Variants in LMAN1L observed in about 807,000 individuals in gnomAD.
LMAN1L encodes the protein lectin, mannose binding 1 like.
A neutral mutation model predicts 58.3 loss-of-function variants in LMAN1L; 60 were observed. The ratio of observed to expected loss-of-function variants is 1.03; its 90% CI spans 0.84 to 1.27. The LOEUF (loss-of-function observed/expected upper bound fraction) is 1.27, where lower values mean the gene tolerates loss of function less well. Ranked by LOEUF, LMAN1L falls within the 50% of genes most tolerant of loss-of-function variation. LMAN1L has a pLI of 0.00. For synonymous variants in LMAN1L, 280 were observed against 271.6 expected, an observed-to-expected ratio of 1.03 and a Z score of -0.31; for missense variants, 629 against 674.0, an observed-to-expected ratio of 0.93 and a Z score of 0.74.
rs1015913828 is a variant in LMAN1L, at chr15:74,816,486, G to C, written c.390G>C (p.Ser130=). Reference sequence around the variant, plus strand: ...GCTCTGTCCTTGGGGGGCTGGCTTCGTGGGACGGCATCGGGATCTTCTTTG... The same window carrying C: ...GCTCTGTCCTTGGGGGGCTGGCTTCCTGGGACGGCATCGGGATCTTCTTTG... ...HVGSVLGGLA[S]WDGIGIFFDS... The change falls in exon 3 of 14, where the codon TCG becomes TCC. Residue 130 remains serine, a synonymous_variant. Coordinates refer to ENST00000309664, the MANE Select transcript of LMAN1L (RefSeq NM_021819.3). 6.4e-7 allele frequency: 1 copy of C among 1,550,396 alleles called. No individual in the cohort carries two copies. The highest frequency in any genetic ancestry group is 1.9e-5 in the Admixed American group (1 of 54,026).
At chr15:74,817,903 C>T (rs1244993634) in intron 4 of LMAN1L, among the ~76,000 whole-genome samples, 1 of 151,394 alleles carries the variant, frequency 6.6e-6, no homozygotes, top group Non-Finnish European at 1.5e-5. Context: ...ATCCCAGCTA[C>T]TCGGGAGGCT....
chr15:74,820,995 A>G, intron 8 of LMAN1L, 80 bp from the exon 9 acceptor site: 1 of 1,461,380 alleles, frequency 6.8e-7, no homozygotes, highest in African/African-American at 1.4e-5. Context: ...CCCCTCTCCA[A>G]GAAGCCACCC....
intron 6 of LMAN1L, 153 bp from the exon 7 acceptor site, chr15:74,819,891 C>T (rs1426431140): frequency 1.2e-5 from 9 of 726,086 alleles, no homozygotes; most frequent in Admixed American, 4.0e-5. Context: ...AACCCTCACA[C>T]CTTTCCTAGG....
chr15:74,813,002 G>A lies in LMAN1L; in HGVS notation c.148G>A (p.Gly50Arg), dbSNP rs777887951. Reference protein sequence around the residue: ...KGPRLALPGAGIPFWSHHGDA... With the variant: ...KGPRLALPGARIPFWSHHGDA... ...CCCAAGGCTGGCATTGCCTGGGGCT[G>A]GAATACCCTTCTGGAGCCATCATGG... Residue 50 changes from glycine to arginine, a missense_variant, in exon 1 of 14, where the codon GGA (glycine) becomes AGA (arginine). This residue lies in a region of LMAN1L where 573 missense variants were observed against 597.3 expected (regional missense o/e 0.96). Transcript: ENST00000309664. 1 of 1,613,876 alleles carries A rather than the reference G, an allele frequency of 6.2e-7. No homozygotes were observed. Among genetic ancestry groups the A allele is most frequent in the Non-Finnish European group, 8.5e-7 (1 of 1,179,904 alleles).
chr15:74,819,285 C>T lies in LMAN1L; in HGVS notation c.718+13C>T, dbSNP rs3803567. The T allele has an allele frequency of 1.6e-4, 263 of 1,613,764 alleles. 3 individuals carry two copies. In the East Asian group the frequency reaches 5.7e-3, roughly 35 times the overall value. On this transcript the variant is annotated intron_variant, in intron 6 of 13. Coordinates refer to ENST00000309664, the MANE Select transcript of LMAN1L (RefSeq NM_021819.3). Reference sequence around the variant, plus strand: ...GGCACCCTGGCAGGTGAGGATCCCACTGGACAGGTAAGAGCAGAAGGGCAG... The same window carrying T: ...GGCACCCTGGCAGGTGAGGATCCCATTGGACAGGTAAGAGCAGAAGGGCAG...
intron 7 of LMAN1L, 58 bp downstream of exon 7, chr15:74,820,157 T>C (rs906212884): frequency 3.5e-5 from 50 of 1,429,554 alleles, no homozygotes; most frequent in Non-Finnish European, 4.9e-5. Context: ...CCCTCACCCA[T>C]GTCATGGTGC....
At chr15:74,817,970 G>A (rs547035346) in intron 4 of LMAN1L, among the ~76,000 whole-genome samples, 5 of 149,004 alleles carry the variant, frequency 3.4e-5, no homozygotes, top group African/African-American at 7.4e-5. Context: ...CCGAGATCGC[G>A]CCACTGCACT....
chr15:74,820,856 G>A, intron 8 of LMAN1L, 89 bp downstream of exon 8: 1 of 1,518,860 alleles, frequency 6.6e-7, no homozygotes, highest in Non-Finnish European at 8.8e-7. Context: ...AATCAGTAGG[G>A]AAACTGAGGC....
Position 74,823,604 on chromosome 15 carries a change from G to A in LMAN1L, c.1245G>A (p.Leu415=), listed in dbSNP as rs765058757. The change falls in exon 12 of 14, where the codon CTG becomes CTA. Residue 415 remains leucine, a synonymous_variant. Coordinates refer to ENST00000309664, the MANE Select transcript of LMAN1L (RefSeq NM_021819.3). The part of the protein sequence containing the change: ...RMAAEAQVSY[L]PVGIEHHFLE... ...CTGCAGAAGCCCAGGTCTCCTACCT[G>A]CCTGTGGGCATTGAGCATCATTTCT... 77 of 1,613,864 alleles carry A rather than the reference G, an allele frequency of 4.8e-5. 1 individual carries two copies. In the Admixed American group the frequency reaches 1.2e-3, roughly 25 times the overall value.
At position 74,820,776 on chromosome 15, in the gene LMAN1L, CGA is replaced by C; in HGVS notation, c.907+15_907+16del. On this transcript the variant is annotated intron_variant, in intron 8 of 13. Coordinates refer to ENST00000309664, the MANE Select transcript of LMAN1L (RefSeq NM_021819.3). ...TGAAGCTCAAGGAGAAGGTAGGGACCGAGAGAGCGGGCAGGTGGCGCCCATCT... is the reference window on the plus strand; with the variant it reads ...TGAAGCTCAAGGAGAAGGTAGGGACCGAGAGCGGGCAGGTGGCGCCCATCT... The C allele has an allele frequency of 6.2e-7, 1 of 1,607,104 alleles. No homozygotes were observed. Among genetic ancestry groups the C allele is most frequent in the Non-Finnish European group, 8.5e-7 (1 of 1,176,246 alleles).
intron 10 of LMAN1L, 101 bp from the exon 11 acceptor site, chr15:74,822,541 A>AGGCCTCTGGAAGGAAGAGGCTGCAG (rs2063921778): frequency 1.2e-6 from 1 of 869,478 alleles, no homozygotes; most frequent in African/African-American, 1.7e-5. Context: ...TAATCTGGGA[A>AGGCCTCTGGAAGGAAGAGGCTGCAG]GGCCTCTGGA....
chr15:74,815,288 C>G (rs1473707468), intron 1 of LMAN1L, among the ~76,000 whole-genome samples: 1 of 152,192 alleles, frequency 6.6e-6, no homozygotes, highest in Non-Finnish European at 1.5e-5. Flanking sequence ...ATAGAGCAAA[C>G]AGGCTGGATT....
Position 74,812,935 on chromosome 15 carries a change from T to C in LMAN1L, c.81T>C (p.Cys27=). Residue 27 remains cysteine, a synonymous_variant, in exon 1 of 14, where the codon TGT becomes TGC. Transcript: ENST00000309664. ...ACCCCCACAGCCCTGAGACGGGGTG[T>C]CCTCCTCTACGCAGGTTTGAGTACA... is the stretch of plus-strand genomic sequence containing the variant. ...LLDPHSPETG[C]PPLRRFEYKL... The C allele has an allele frequency of 6.2e-7, 1 of 1,614,064 alleles. No homozygotes were observed. Among genetic ancestry groups the C allele is most frequent in the Non-Finnish European group, 8.5e-7 (1 of 1,179,972 alleles).
chr15:74,814,285 C>A (rs149009733), intron 1 of LMAN1L, among the ~76,000 whole-genome samples: 2,807 of 151,060 alleles, frequency 0.019, 87 homozygotes, highest in African/African-American at 0.064. Flanking sequence ...CCTTCACCTC[C>A]CAGATTCAAG....
Position 74,823,462 on chromosome 15 carries a change from C to A in LMAN1L, c.1200-97C>A. 8 of 1,385,238 alleles carry A rather than the reference C, an allele frequency of 5.8e-6. No homozygotes were observed. In the South Asian group the frequency reaches 9.9e-5, roughly 17 times the overall value. The allele number at this position is 1,385,238 out of a possible 1,614,324, so 85.8% of individuals were successfully genotyped here. A position where few individuals can be genotyped will look rare whatever the true frequency, so the allele number is the denominator to read the frequency against. On this transcript the variant is annotated intron_variant, in intron 11 of 13. Transcript: ENST00000309664. ...CCATGGATGGTACCTGTTCCCCATCCATGTGCTGCCCTTGGGGAGATGGGA... is the reference window on the plus strand; with the variant it reads ...CCATGGATGGTACCTGTTCCCCATCAATGTGCTGCCCTTGGGGAGATGGGA...
rs140052275 is a variant in LMAN1L at position 74,823,853 on chromosome 15, G to T, written c.1323+171G>T. ...TCAGTGTCTGTGTGTCCGTGCATAC[G>T]TGCCACCACACATCTCATCTTTTCT... On this transcript the variant is annotated intron_variant, in intron 12 of 13. Transcript: ENST00000309664. 66 of 665,436 alleles carry T rather than the reference G, an allele frequency of 9.9e-5. No homozygotes were observed. The South Asian group carries it at 1.2e-3, about 12-fold the overall frequency. 41.2% of individuals were successfully genotyped at this position (665,436 alleles called of 1,614,324 possible).
chr15:74,812,932 G>T lies in LMAN1L; in HGVS notation c.78G>T (p.Gly26=), dbSNP rs140078515. The T allele has an allele frequency of 1.9e-6, 3 of 1,614,042 alleles. No homozygotes were observed. Among genetic ancestry groups the T allele is most frequent in the Non-Finnish European group, 2.5e-6 (3 of 1,179,958 alleles). The change falls in exon 1 of 14, where the codon GGG becomes GGT. Residue 26 remains glycine (G), a synonymous_variant. Coordinates refer to ENST00000309664, the MANE Select transcript of LMAN1L (RefSeq NM_021819.3). ...TGGACCCCCACAGCCCTGAGACGGGGTGTCCTCCTCTACGCAGGTTTGAGT... is the reference window on the plus strand; with the variant it reads ...TGGACCCCCACAGCCCTGAGACGGGTTGTCCTCCTCTACGCAGGTTTGAGT... ...LLLDPHSPET[G]CPPLRRFEYK...
intron 11 of LMAN1L, 134 bp from the exon 12 acceptor site, chr15:74,823,425 C>A: frequency 1.1e-6 from 1 of 903,816 alleles, no homozygotes; most frequent in South Asian, 1.6e-5. Context: ...GACCAGCCCC[C>A]AAGAAGGGGC....
intron 11 of LMAN1L, among the ~76,000 whole-genome samples, chr15:74,823,100 T>A (rs1194587504): frequency 1.3e-5 from 2 of 152,162 alleles, no homozygotes; most frequent in Non-Finnish European, 2.9e-5. Flanking sequence ...CTTGGTTTTG[T>A]GCCCCCATTA....
Sources: allele counts gnomAD v4.1 joint callset (sites outside exome capture counted in the v4.1 genomes callset), GRCh38; gene constraint gnomAD v4.1.1; regional missense constraint gnomAD v4.1.1; transcripts MANE v1.5; gene names NCBI Gene and HGNC (gene_info 2026-07-23, HGNC 2026-07-21).